The following CTNND2 variants were observed in gnomAD, a reference collection of about 807,000 sequenced individuals.
CTNND2 encodes the protein catenin delta 2.
In CTNND2, 22 loss-of-function variants were observed where a neutral mutation model predicts 144.4. The ratio of observed to expected loss-of-function variants is 0.15; its 90% confidence interval spans 0.11 to 0.22. CTNND2 has a LOEUF of 0.22. Ranked by LOEUF, CTNND2 falls within the 10% of genes least tolerant of loss-of-function variation. The pLI is 1.00. For synonymous variants in CTNND2, 751 were observed against 695.6 expected (o/e 1.08, Z -1.25); for missense variants, 1,353 against 1,618.8 (o/e 0.84, Z 2.82).
At chr5:11,700,836 C>T (rs1358795919) in intron 2 of CTNND2, among the ~76,000 whole-genome samples, 1 of 152,108 alleles carries the variant, frequency 6.6e-6, no homozygotes, top group Non-Finnish European at 1.5e-5. Context: ...GAGAGAAAAG[C>T]CTTTGAAAAG....
At chr5:11,198,724 T>C (rs941714063) in intron 11 of CTNND2, among the ~76,000 whole-genome samples, 3 of 152,220 alleles carry the variant, frequency 2.0e-5, no homozygotes, top group African/African-American at 7.2e-5. Context: ...GCAGAGTTAT[T>C]TGAAATGCTG....
intron 1 of CTNND2, among the ~76,000 whole-genome samples, chr5:11,877,218 T>G (rs1298358657): frequency 1.3e-5 from 2 of 152,136 alleles, no homozygotes; most frequent in Non-Finnish European, 2.9e-5. Flanking sequence ...ATATGCATAT[T>G]TGTAATAACT....
intron 1 of CTNND2, among the ~76,000 whole-genome samples, chr5:11,852,367 C>T (rs907697151): frequency 4.6e-5 from 7 of 152,090 alleles, no homozygotes; most frequent in African/African-American, 1.2e-4. Flanking sequence ...CAGCACAATG[C>T]CAAATCACTA....
chr5:11,844,954 G>T (rs929227797), intron 1 of CTNND2, among the ~76,000 whole-genome samples: 1 of 152,194 alleles, frequency 6.6e-6, no homozygotes, highest in East Asian at 1.9e-4. Flanking sequence ...AGGGGGGCAG[G>T]GGGGCAGGGA....
In CTNND2 at chr5:11,671,856, G is replaced by T. The variant is rs142108439; in HGVS notation, c.174+60280C>A. 4.1e-3 allele frequency among the ~76,000 whole-genome samples: 629 copies of T among 152,124 alleles called. 6 individuals carry two copies. Among genetic ancestry groups the T allele is most frequent in the African/African-American group, 0.014 (598 of 41,468 alleles). On this transcript the variant is annotated intron_variant, in intron 2 of 21. Coordinates refer to ENST00000304623, the MANE Select transcript of CTNND2 (RefSeq NM_001332.4). ...GCTGTGATCCTTTGGAGGAAAAGAG[G>T]TGTTCTGGTTTTTGGAATTTTCAGC...
At chr5:11,835,003 C>T (rs1456811045) in intron 1 of CTNND2, among the ~76,000 whole-genome samples, 2 of 152,114 alleles carry the variant, frequency 1.3e-5, no homozygotes, top group African/African-American at 2.4e-5. Flanking sequence ...GCCAGGCATG[C>T]TGGCACGTGT....
chr5:11,520,074 G>A (rs1215758446), intron 3 of CTNND2, among the ~76,000 whole-genome samples: 1 of 150,060 alleles, frequency 6.7e-6, no homozygotes, highest in Non-Finnish European at 1.5e-5. Context: ...TCGAACCCAG[G>A]AGGAAGAGGT....
At chr5:11,458,693 G>A (rs1342283252) in intron 3 of CTNND2, among the ~76,000 whole-genome samples, 1 of 152,184 alleles carries the variant, frequency 6.6e-6, no homozygotes, top group African/African-American at 2.4e-5. Context: ...CTTCCCTCTT[G>A]GAGATTCATA....
chr5:11,545,157 C>CA (rs1199326203), intron 3 of CTNND2, among the ~76,000 whole-genome samples: 1 of 138,816 alleles, frequency 7.2e-6, no homozygotes, highest in South Asian at 2.3e-4. Flanking sequence ...AAAAAGAAAG[C>CA]AAAAAAATAC....
chr5:11,129,226 A>T (rs1168373858), intron 12 of CTNND2, among the ~76,000 whole-genome samples: 14 of 39,938 alleles, frequency 3.5e-4, no homozygotes, highest in African/African-American at 8.9e-4. Context: ...TTATATATAA[A>T]TATATATTAT....
At chr5:11,427,354 TGGAA>T (rs911535668) in intron 3 of CTNND2, among the ~76,000 whole-genome samples, 3 of 149,320 alleles carry the variant, frequency 2.0e-5, no homozygotes, top group African/African-American at 7.5e-5. Flanking sequence ...CTCGGCTCAC[TGGAA>T]CCTTTGCCTC....
chr5:11,483,678 G>A (rs139955748), intron 3 of CTNND2, among the ~76,000 whole-genome samples: 12 of 152,300 alleles, frequency 7.9e-5, no homozygotes, highest in African/African-American at 2.6e-4. Flanking sequence ...AGTAAGGATC[G>A]TGAACTTCAT....
intron 7 of CTNND2, among the ~76,000 whole-genome samples, chr5:11,367,987 T>C (rs1757135478): frequency 6.6e-6 from 1 of 152,230 alleles, no homozygotes; most frequent in Non-Finnish European, 1.5e-5. Context: ...TTGCTCTTCC[T>C]ATTTCTTCTC....
At chr5:11,452,279 C>T (rs1765374627) in intron 3 of CTNND2, among the ~76,000 whole-genome samples, 1 of 152,132 alleles carries the variant, frequency 6.6e-6, no homozygotes, top group Admixed American at 6.5e-5. Flanking sequence ...TCACAAGTCC[C>T]TGAATTAACG....
Position 10,992,623 on chromosome 5 carries a change from G to T in CTNND2, c.3139C>A (p.Arg1047=), listed in dbSNP as rs755174747. The change falls in exon 19 of 22, where the codon CGG becomes AGG. Residue 1047 remains arginine, a synonymous_variant. Coordinates refer to ENST00000304623, the MANE Select transcript of CTNND2 (RefSeq NM_001332.4). ...CGGGAGGAGGAGTAGGGCCTTTGCC[G>T]GTCCCTCTCGATGGTTGAAGACGAG... ...VASSSTIERD[R]QRPYSSSRTP... The T allele has an allele frequency of 6.2e-7, 1 of 1,614,036 alleles. No individual in the cohort carries two copies. Among genetic ancestry groups the T allele is most frequent in the African/African-American group, 1.3e-5 (1 of 74,926 alleles).
chr5:11,538,125 TTTGTCCATAAACCAACTGCTTCTCTAG>T (rs1289915551), intron 3 of CTNND2, among the ~76,000 whole-genome samples: 1 of 152,192 alleles, frequency 6.6e-6, no homozygotes, highest in African/African-American at 2.4e-5. Context: ...AAACTAGCAT[TTTGTCCATAAACCAACTGCTTCTCTAG>T]GACTGGCTGA....
rs569041584 is a variant in CTNND2 at position 11,500,272 on chromosome 5, T to C, written c.287+64672A>G. Among the ~76,000 whole-genome samples the C allele has an allele frequency of 3.3e-5, 5 of 152,238 alleles. No homozygotes were observed. The East Asian group carries it at 9.6e-4, about 29-fold the overall frequency. ...ATATGCATGGGAGTGTCTGGCACAA[T>C]CCCTAACACATGGCAAGCTCTTAAA... is the stretch of plus-strand genomic sequence containing the variant. On this transcript the variant is annotated intron_variant, in intron 3 of 21. Coordinates refer to ENST00000304623, the MANE Select transcript of CTNND2 (RefSeq NM_001332.4).
At chr5:11,858,605 G>A (rs535645348) in intron 1 of CTNND2, among the ~76,000 whole-genome samples, 28 of 152,182 alleles carry the variant, frequency 1.8e-4, no homozygotes, top group African/African-American at 5.5e-4. Context: ...TACTATCCAC[G>A]TTTAATCAAA....
At chr5:11,071,788 A>G (rs560473558) in intron 16 of CTNND2, among the ~76,000 whole-genome samples, 101 of 152,282 alleles carry the variant, frequency 6.6e-4, no homozygotes, top group Non-Finnish European at 1.2e-3. Context: ...ACTGAAAAGT[A>G]AAATGCTGAG....
Sources: allele counts gnomAD v4.1 joint callset (sites outside exome capture counted in the v4.1 genomes callset), GRCh38; gene constraint gnomAD v4.1.1; transcripts MANE v1.5; gene names NCBI Gene and HGNC (gene_info 2026-07-23, HGNC 2026-07-21).